The following KRTCAP3 variants were observed in gnomAD, a reference collection of about 807,000 sequenced individuals.
KRTCAP3 encodes keratinocyte-associated protein 3.
KRTCAP3 carries 18 observed loss-of-function variants against 20.5 expected under a neutral mutation model. The ratio of observed to expected loss-of-function variants is 0.88; its 90% CI spans 0.61 to 1.31. The LOEUF (loss-of-function observed/expected upper bound fraction) is 1.31. Ranked by LOEUF, KRTCAP3 falls within the 50% of genes most tolerant of loss-of-function variation. The pLI, the probability that KRTCAP3 is intolerant of heterozygous loss-of-function variation, is 0.00. For missense variants in KRTCAP3, 347 were observed against 310.4 expected, an observed-to-expected ratio of 1.12 and a Z score of -0.89; for synonymous variants, 167 against 133.7, an observed-to-expected ratio of 1.25 and a Z score of -1.72.
rs562546982 is a variant in KRTCAP3 at position 27,443,241 on chromosome 2, G to A, written c.441G>A (p.Pro147=). 2.4e-5 allele frequency: 39 copies of A among 1,614,148 alleles called. No individual in the cohort carries two copies. The South Asian group carries it at 2.7e-4, about 11-fold the overall frequency. ...CTCTGGTACCACTGGATGAGGGGCC[G>A]GGACATACTGACTGCCCCTTTGACC... ...LDPLVPLDEG[P]GHTDCPFDPT... is the part of the protein sequence containing the mutation. Residue 147 remains proline, a synonymous_variant, in exon 4 of 7, where the codon CCG becomes CCA. Transcript: ENST00000288873.
In KRTCAP3 at chr2:27,442,589, G is replaced by A; in HGVS notation, c.39G>A (p.Arg13=). The A allele has an allele frequency of 2.0e-6, 3 of 1,535,006 alleles. No individual in the cohort carries two copies. The highest frequency in any genetic ancestry group is 2.6e-6 in the Non-Finnish European group (3 of 1,143,448). Residue 13 remains arginine (R), a synonymous_variant, in exon 2 of 7, where the codon CGG becomes CGA. Coordinates refer to ENST00000288873, the MANE Select transcript of KRTCAP3 (RefSeq NM_173853.4). The part of the protein sequence containing the change: ...RCSLCAFDAA[R]GPRRLMRVGL... ...CCCCGTGCTTTGCAGACGCCGCCCG[G>A]GGGCCCAGGCGGCTGATGCGTGTGG... is the stretch of plus-strand genomic sequence containing the variant.
At chr2:27,443,012 T>G in intron 3 of KRTCAP3, 62 bp from the exon 4 acceptor site, 1 of 1,569,452 alleles carries the variant, frequency 6.4e-7, no homozygotes, top group Non-Finnish European at 8.8e-7. Context: ...AAACTGGGTG[T>G]CTAGTCACTG....
At chr2:27,445,838 G>C, downstream of KRTCAP3, 1 of 1,614,106 alleles carries the variant, frequency 6.2e-7, no homozygotes, top group Non-Finnish European at 8.5e-7. This position sits in a 1 kb window ranked among gnomAD's most constrained non-coding sequence, Gnocchi z 4.4. Flanking sequence ...TCCCTTCCTC[G>C]ATTGCCTGCA....
intron 5 of KRTCAP3, among the ~76,000 whole-genome samples, 182 bp downstream of exon 5, chr2:27,443,714 A>G (rs1664764512): frequency 6.6e-6 from 1 of 152,102 alleles, no homozygotes; most frequent in African/African-American, 2.4e-5. Flanking sequence ...CCTCGTCTCT[A>G]CTAAAAATAC....
downstream of KRTCAP3, chr2:27,445,474 T>G (rs761705947): frequency 6.2e-6 from 10 of 1,602,752 alleles, no homozygotes; most frequent in South Asian, 1.0e-4. This position sits in a 1 kb window ranked among gnomAD's most constrained non-coding sequence, Gnocchi z 4.4. Flanking sequence ...AAGGGAGTGG[T>G]AGCTTCACAC....
At chr2:27,445,171 A>C, downstream of KRTCAP3, 1 of 1,603,028 alleles carries the variant, frequency 6.2e-7, no homozygotes, top group Non-Finnish European at 8.5e-7. This position sits in a 1 kb window ranked among gnomAD's most constrained non-coding sequence, Gnocchi z 4.4. Context: ...AATGAGGAGC[A>C]GCCTGGGGGG....
downstream of KRTCAP3, chr2:27,446,326 T>C (rs370933808): frequency 4.3e-6 from 7 of 1,614,042 alleles, no homozygotes; most frequent in African/African-American, 9.3e-5. Context: ...GACGCAAGAG[T>C]GAAACAGAAA....
rs200480870 is a variant in KRTCAP3 at position 27,443,221 on chromosome 2, G to A, written c.421G>A (p.Val141Ile). The change falls in exon 4 of 7, where the codon GTA becomes ATA. Residue 141 changes from valine to isoleucine, a missense_variant. Transcript: ENST00000288873. ...DCHPGLLDPL[V>I]PLDEGPGHTD... is the part of the protein sequence containing the mutation. ...CCACCCAGGACTGCTGGATCCTCTG[G>A]TACCACTGGATGAGGGGCCGGGACA... 2.5e-6 allele frequency: 4 copies of A among 1,614,150 alleles called. No homozygotes were observed. The highest frequency in any genetic ancestry group is 3.4e-6 in the Non-Finnish European group (4 of 1,180,032).
rs775512978 is a variant in KRTCAP3, at chr2:27,443,948, G to A, written c.616-1G>A. 3 of 1,549,204 alleles carry A rather than the reference G, an allele frequency of 1.9e-6. No homozygotes were observed. The highest frequency in any genetic ancestry group is 2.7e-5 in the African/African-American group (2 of 73,680). ...GTGTCTAACTCTATCTTCTTCTGCA[G>A]CTAGAGGAAATGACAGAGCTTGAAT... On this transcript the variant is annotated splice_acceptor_variant, in intron 5 of 6. Coordinates refer to ENST00000288873, the MANE Select transcript of KRTCAP3 (RefSeq NM_173853.4). LOFTEE classifies it high-confidence loss of function.
At chr2:27,445,721 G>A (rs771275474), downstream of KRTCAP3, 14 of 1,613,520 alleles carry the variant, frequency 8.7e-6, no homozygotes, top group Admixed American at 3.3e-5. This position sits in a 1 kb window ranked among gnomAD's most constrained non-coding sequence, Gnocchi z 4.4. Flanking sequence ...GAGGCCTTCC[G>A]GTTTTCCAAC....
chr2:27,445,283 T>TA, downstream of KRTCAP3: 1 of 1,605,306 alleles, frequency 6.2e-7, no homozygotes, highest in Non-Finnish European at 8.5e-7. This position sits in a 1 kb window ranked among gnomAD's most constrained non-coding sequence, Gnocchi z 4.4. Flanking sequence ...TGGGGTGCTG[T>TA]AGGCTTCTAT....
chr2:27,442,739 C>G lies in KRTCAP3; in HGVS notation c.189C>G (p.Val63=). Residue 63 remains valine, a synonymous_variant, in exon 2 of 7, where the codon GTC becomes GTG. Transcript: ENST00000288873. ...AVTPEYTVAN[V]ISVGSGLLSV... ...CGCCGGAGTACACCGTAGCCAATGTCATCTCTGTCGGCTCGGGGCTGCTGG... is the reference window on the plus strand; with the variant it reads ...CGCCGGAGTACACCGTAGCCAATGTGATCTCTGTCGGCTCGGGGCTGCTGG... 1.9e-6 allele frequency: 3 copies of G among 1,607,432 alleles called. No individual in the cohort carries two copies. The highest frequency in any genetic ancestry group is 2.5e-6 in the Non-Finnish European group (3 of 1,176,610).
chr2:27,442,964 T>G, intron 3 of KRTCAP3, 63 bp downstream of exon 3: 1 of 1,595,508 alleles, frequency 6.3e-7, no homozygotes, highest in Non-Finnish European at 8.6e-7. Context: ...GGGGGCTGAC[T>G]GAGCTTGGTC....
chr2:27,445,870 T>G, downstream of KRTCAP3: 1 of 1,614,090 alleles, frequency 6.2e-7, no homozygotes. The surrounding 1 kb of genome is among the most constrained non-coding windows in gnomAD (Gnocchi z 4.4). Context: ...AACCATGAAC[T>G]AGGCACAGCT....
At chr2:27,444,666 G>T, downstream of KRTCAP3, 1 of 580,592 alleles carries the variant, frequency 1.7e-6, no homozygotes, top group Non-Finnish European at 2.9e-6. Flanking sequence ...TGTTTGTTTT[G>T]AGACAAAGTC....
chr2:27,444,832 G>C (rs867814195), downstream of KRTCAP3, among the ~76,000 whole-genome samples: 13 of 152,308 alleles, frequency 8.5e-5, no homozygotes, highest in Admixed American at 3.3e-4. Flanking sequence ...ATTTTTAGTA[G>C]AGACGAGGTT....
downstream of KRTCAP3, chr2:27,446,369 C>G (rs918818981): frequency 6.2e-7 from 1 of 1,613,128 alleles, no homozygotes; most frequent in Admixed American, 1.7e-5. Context: ...GGATTAAAGT[C>G]AAAGCATTAT....
chr2:27,445,300 A>T, downstream of KRTCAP3: 1 of 1,611,548 alleles, frequency 6.2e-7, no homozygotes, highest in Admixed American at 1.7e-5. The surrounding 1 kb of genome is among the most constrained non-coding windows in gnomAD (Gnocchi z 4.4). Context: ...CTATACCTGT[A>T]ATAAGGCAGG....
Position 27,444,178 on chromosome 2 carries a change from C to G in KRTCAP3, c.*6-8C>G. On this transcript the variant is annotated splice_region_variant and splice_polypyrimidine_tract_variant and intron_variant, in intron 6 of 6. Coordinates refer to ENST00000288873, the MANE Select transcript of KRTCAP3 (RefSeq NM_173853.4). The stretch of plus-strand genomic sequence containing the variant: ...CTCTGACCTGGGTTGGTTCTCCCCT[C>G]TGTCCAGCAGGTGCTGTTCCGAGAC... The G allele has an allele frequency of 1.4e-6, 1 of 728,342 alleles. No homozygotes were observed. Among genetic ancestry groups the G allele is most frequent in the East Asian group, 2.7e-5 (1 of 37,308 alleles). The allele number at this position is 728,342 out of a possible 1,614,324, so 45.1% of individuals were successfully genotyped here.
Sources: allele counts gnomAD v4.1 joint callset (sites outside exome capture counted in the v4.1 genomes callset), GRCh38; gene constraint gnomAD v4.1.1; non-coding constraint Gnocchi (gnomAD v3.1); transcripts MANE v1.5; gene names NCBI Gene and HGNC (gene_info 2026-07-23, HGNC 2026-07-21).